Variants in MTMR10 observed in about 807,000 individuals in gnomAD.
The protein encoded by MTMR10 is myotubularin related protein 10.
A neutral mutation model predicts 88.1 loss-of-function variants in MTMR10; 56 were observed. The ratio of observed to expected loss-of-function variants is 0.64; its 90% confidence interval spans 0.51 to 0.79. MTMR10 has a LOEUF of 0.79. Among genes scored for constraint, MTMR10 ranks in the 30% least tolerant of loss-of-function variants. The pLI is 0.00. For synonymous variants in MTMR10, 380 were observed against 340.9 expected, an observed-to-expected ratio of 1.11 and a Z score of -1.26; for missense variants, 883 against 924.7, an observed-to-expected ratio of 0.95 and a Z score of 0.58.
chr15:30,943,286 AG>A (rs2063112193), intron 14 of MTMR10: 1 of 985,268 alleles, frequency 1.0e-6, no homozygotes, highest in Non-Finnish European at 1.2e-6. Context: ...TGTGCTTTTC[AG>A]GTGCCCTCTG....
intron 6 of MTMR10, among the ~76,000 whole-genome samples, chr15:30,962,669 A>G (rs984957556): frequency 3.3e-5 from 5 of 152,164 alleles, no homozygotes; most frequent in Admixed American, 6.5e-5. Context: ...TAAGACAGGT[A>G]TTTTCTGAGA....
chr15:30,989,727 C>G (rs1324541398), intron 2 of MTMR10, among the ~76,000 whole-genome samples: 1 of 147,912 alleles, frequency 6.8e-6, no homozygotes, highest in Non-Finnish European at 1.5e-5. Context: ...GGACTACAGG[C>G]GCCCGCCACC....
chr15:30,989,366 C>T (rs897364353), intron 2 of MTMR10, among the ~76,000 whole-genome samples: 2 of 152,084 alleles, frequency 1.3e-5, no homozygotes, highest in African/African-American at 4.8e-5. Flanking sequence ...ATTTATGACT[C>T]CCATAGTAAA....
rs777126290 is a variant in MTMR10 at position 30,939,450 on chromosome 15, G to A, written c.*2020C>T. 4.2e-5 allele frequency: 41 copies of A among 985,424 alleles called. No homozygotes were observed. The highest frequency in any genetic ancestry group is 4.9e-5 in the Non-Finnish European group (41 of 829,930). 61.0% of individuals were successfully genotyped at this position (985,424 alleles called of 1,614,324 possible). ...GGTATAAGCAGCTTCACCCTGGCCC[G>A]ACTGAAGGCTGTCATAGTTGTTTTT... On this transcript the variant is annotated 3_prime_UTR_variant, in exon 16 of 16. Transcript: ENST00000435680.
chr15:30,928,811 C>T, the MTMR10 span: 1 of 982,322 alleles, frequency 1.0e-6, no homozygotes, highest in Non-Finnish European at 1.2e-6. Flanking sequence ...TTTTAAAAAT[C>T]TGAGTAATAG....
rs1420483006 is a variant in MTMR10, at chr15:30,940,986, TG to T, written c.*483del. 58 of 1,133,676 alleles carry T rather than the reference TG, an allele frequency of 5.1e-5. No homozygotes were observed. The highest frequency in any genetic ancestry group is 6.3e-5 in the Non-Finnish European group (58 of 914,862). 70.2% of individuals were successfully genotyped at this position (1,133,676 alleles called of 1,614,324 possible). On this transcript the variant is annotated 3_prime_UTR_variant, in exon 16 of 16. Coordinates refer to ENST00000435680, the MANE Select transcript of MTMR10 (RefSeq NM_017762.3). Reference sequence around the variant, plus strand: ...ATCATAAATTCTGGCCCCAGAACACTGAACCTTCATCAGGTGAGTTCAATTA... The same window carrying T: ...ATCATAAATTCTGGCCCCAGAACACTAACCTTCATCAGGTGAGTTCAATTA...
Position 30,941,934 on chromosome 15 carries a change from T to G in MTMR10, c.1870A>C (p.Asn624His). The change falls in exon 16 of 16, where the codon AAC becomes CAC. Residue 624 changes from asparagine to histidine, a missense_variant. Coordinates refer to ENST00000435680, the MANE Select transcript of MTMR10 (RefSeq NM_017762.3). ...PDPAQQTDSQ[N>H]SDTEQYFREW... Reference sequence around the variant, plus strand: ...CTAAAATACTGCTCCGTATCACTGTTCTGGCTGTCGGTTTGCTGAGCTGGA... The same window carrying G: ...CTAAAATACTGCTCCGTATCACTGTGCTGGCTGTCGGTTTGCTGAGCTGGA... 1 of 1,614,048 alleles carries G rather than the reference T, an allele frequency of 6.2e-7. No homozygotes were observed. The highest frequency in any genetic ancestry group is 1.1e-5 in the South Asian group (1 of 91,090).
chr15:30,927,016 G>A, the MTMR10 span: 1 of 985,408 alleles, frequency 1.0e-6, no homozygotes. Context: ...GGACCACTTA[G>A]GAGTTAAGGA....
At chr15:30,972,967 T>C (rs2063555148) in intron 5 of MTMR10, among the ~76,000 whole-genome samples, 1 of 152,338 alleles carries the variant, frequency 6.6e-6, no homozygotes, top group South Asian at 2.1e-4. Context: ...TAGCAAGTTC[T>C]GTGATGTCCC....
intron 14 of MTMR10, 63 bp downstream of exon 14, chr15:30,947,067 A>G: frequency 6.7e-7 from 1 of 1,501,636 alleles, no homozygotes; most frequent in Non-Finnish European, 8.9e-7. Flanking sequence ...ATTATACTTC[A>G]ATTATGCCTC....
chr15:30,973,136 T>C (rs189816905), intron 5 of MTMR10, among the ~76,000 whole-genome samples: 209 of 152,338 alleles, frequency 1.4e-3, no homozygotes, highest in African/African-American at 4.7e-3. Flanking sequence ...TTCTATATAA[T>C]AGGCACTTTA....
chr15:30,926,993 A>C, the MTMR10 span: 5 of 985,430 alleles, frequency 5.1e-6, no homozygotes, highest in Non-Finnish European at 6.0e-6. Context: ...CTTATAACAC[A>C]AATGCACAGC....
intron 14 of MTMR10, among the ~76,000 whole-genome samples, chr15:30,945,176 G>C (rs2063152257): frequency 6.6e-6 from 1 of 152,082 alleles, no homozygotes; most frequent in African/African-American, 2.4e-5. Context: ...TGTGTGGAAG[G>C]GGCTGAGAAC....
At chr15:30,986,434 AGT>A (rs2030942634) in intron 2 of MTMR10, among the ~76,000 whole-genome samples, 1 of 152,048 alleles carries the variant, frequency 6.6e-6, no homozygotes, top group Non-Finnish European at 1.5e-5. Context: ...AGTAGGTTCT[AGT>A]TTAGATTCCA....
At chr15:30,925,763 T>C in the MTMR10 span, 9 of 1,613,370 alleles carry the variant, frequency 5.6e-6, no homozygotes, top group Non-Finnish European at 6.8e-6. Context: ...CTGAGGCTAA[T>C]AGATGTTATT....
chr15:30,929,853 A>G, the MTMR10 span, among the ~76,000 whole-genome samples: 1 of 76,296 alleles, frequency 1.3e-5, no homozygotes, highest in Non-Finnish European at 2.2e-5. Flanking sequence ...TAAAATATAT[A>G]TCATATATAA....
the MTMR10 span, chr15:30,929,352 T>G: frequency 6.2e-7 from 1 of 1,611,766 alleles, no homozygotes; most frequent in Non-Finnish European, 8.5e-7. Flanking sequence ...GCAGAGTGGC[T>G]TCCCTTGTCA....
the MTMR10 span, among the ~76,000 whole-genome samples, chr15:30,929,995 TATATA>T: frequency 1.6e-4 from 22 of 134,164 alleles, no homozygotes; most frequent in East Asian, 4.0e-4. Flanking sequence ...TAAGATATCA[TATATA>T]ATATAATGTA....
In MTMR10 at chr15:30,974,967, C is replaced by T. The variant is rs755607715; in HGVS notation, c.295G>A (p.Asp99Asn). ...HYRNLLLGEH[D>N]VPLTCIEQIV... ...TGCTCAATACATGTTAAAGGGACAT[C>T]GTGTTCACCAAGAAGAAGGTTTCTG... The change falls in exon 4 of 16, where the codon GAT becomes AAT. Residue 99 changes from aspartate (D) to asparagine (N), a missense_variant. Physicochemically the swap from Asp to Asn is conservative, Grantham distance 23 (BLOSUM62 1). Around this residue, in one of 3 missense-constraint regions of MTMR10, gnomAD observed 414 missense variants for 423.2 expected, o/e 0.98. Transcript: ENST00000435680. 18 of 1,577,950 alleles carry T rather than the reference C, an allele frequency of 1.1e-5. No homozygotes were observed. The highest frequency in any genetic ancestry group is 1.6e-5 in the Non-Finnish European group (18 of 1,160,082).
Sources: gnomAD v4.1 joint callset for allele counts (sites outside exome capture counted in the v4.1 genomes callset) on GRCh38, gnomAD v4.1.1 for gene constraint, gnomAD v4.1.1 regional missense constraint, MANE v1.5 for transcripts, NCBI Gene and HGNC (gene_info 2026-07-23, HGNC 2026-07-21) for gene names.